LZTS1: variants seen among roughly 807,000 people sequenced by gnomAD.
The protein encoded by LZTS1 is leucine zipper tumor suppressor 1, also known as leucine zipper putative tumor suppressor 1.
Under a neutral mutation model 45.8 loss-of-function variants are expected in LZTS1, and 31 were observed. The observed-to-expected ratio is 0.68, with a 90% CI of 0.51 to 0.91. The LOEUF (loss-of-function observed/expected upper bound fraction) is 0.91. Ranked by LOEUF, LZTS1 falls within the 40% of genes least tolerant of loss-of-function variation. The probability of loss-of-function intolerance (pLI) is 0.00; values close to 1 mark genes in which losing one functional copy is unlikely to be tolerated. For synonymous variants in LZTS1, 359 were observed against 357.3 expected (o/e 1.00, Z -0.05); for missense variants, 821 against 788.9 (o/e 1.04, Z -0.49).
intron 1 of LZTS1, among the ~76,000 whole-genome samples, chr8:20,260,894 G>C (rs1231846565): frequency 1.3e-5 from 2 of 152,164 alleles, no homozygotes; most frequent in African/African-American, 4.8e-5. Context: ...AGTTTGAGGA[G>C]AGTTTGGGAT....
chr8:20,277,532 A>G (rs1162745037), intron 1 of LZTS1, among the ~76,000 whole-genome samples: 1 of 152,084 alleles, frequency 6.6e-6, no homozygotes, highest in Non-Finnish European at 1.5e-5. Context: ...TCTCTTGGGG[A>G]CTGGATTAGG....
intron 1 of LZTS1, among the ~76,000 whole-genome samples, chr8:20,269,925 G>A (rs1800438687): frequency 6.6e-6 from 1 of 152,174 alleles, no homozygotes; most frequent in Non-Finnish European, 1.5e-5. Flanking sequence ...GCCAGGAGAT[G>A]GGATGGGCAT....
At chr8:20,273,110 C>CA (rs1227486119) in intron 1 of LZTS1, among the ~76,000 whole-genome samples, 1 of 152,162 alleles carries the variant, frequency 6.6e-6, no homozygotes, top group Non-Finnish European at 1.5e-5. Context: ...TTGCTAAATC[C>CA]AATGGACCTT....
At chr8:20,277,940 AC>A (rs1800616664) in intron 1 of LZTS1, among the ~76,000 whole-genome samples, 1 of 152,194 alleles carries the variant, frequency 6.6e-6, no homozygotes, top group African/African-American at 2.4e-5. Flanking sequence ...TACTATGAGC[AC>A]CTTGGAACGT....
chr8:20,272,820 C>G (rs963973777), intron 1 of LZTS1, among the ~76,000 whole-genome samples: 1 of 152,218 alleles, frequency 6.6e-6, no homozygotes, highest in African/African-American at 2.4e-5. Context: ...GCGTGACTCT[C>G]GTCAACGCCA....
chr8:20,284,855 C>T (rs1800759072), intron 1 of LZTS1, among the ~76,000 whole-genome samples: 1 of 152,178 alleles, frequency 6.6e-6, no homozygotes, highest in Admixed American at 6.5e-5. Context: ...TTTCCCTGCT[C>T]CCATAGCCTA....
chr8:20,292,019 C>T (rs924381865), intron 1 of LZTS1, among the ~76,000 whole-genome samples: 2 of 152,216 alleles, frequency 1.3e-5, no homozygotes, highest in Non-Finnish European at 2.9e-5. Context: ...GGAGGTGTTT[C>T]CTGAGGAAGG....
At chr8:20,256,635 A>G (rs1408886364) in intron 1 of LZTS1, among the ~76,000 whole-genome samples, 3 of 152,164 alleles carry the variant, frequency 2.0e-5, no homozygotes, top group Admixed American at 2.0e-4. Context: ...ACAGTTTTCA[A>G]TGTAATTTTG....
intron 1 of LZTS1, chr8:20,290,516 C>T (rs1351155040): frequency 6.6e-6 from 1 of 152,208 alleles, no homozygotes; most frequent in African/African-American, 2.4e-5. Flanking sequence ...GAATGTGTGT[C>T]CAAAACACCA....
In LZTS1 at chr8:20,254,981, G is replaced by T; in HGVS notation, c.201C>A (p.Tyr67Ter). The T allele has an allele frequency of 6.2e-7, 1 of 1,614,220 alleles. No individual in the cohort carries two copies. Among genetic ancestry groups the T allele is most frequent in the Non-Finnish European group, 8.5e-7 (1 of 1,180,038 alleles). The stretch of plus-strand genomic sequence containing the variant: ...CCCGGGCTTTCTGGCTGACCTTGAT[G>T]TAGAAGAAGTCTTCGCTCTTGCCCA... ...SKMGKSEDFF[Y>*]IKVSQKARGS... Residue 67 changes from tyrosine (Y) to a stop codon, truncating the protein, a stop_gained, in exon 2 of 4, where the codon TAC becomes TAA. Coordinates refer to ENST00000381569, the MANE Select transcript of LZTS1 (RefSeq NM_021020.5). LOFTEE classifies it high-confidence loss of function.
intron 1 of LZTS1, among the ~76,000 whole-genome samples, chr8:20,291,297 C>T (rs1236053723): frequency 6.6e-6 from 1 of 152,154 alleles, no homozygotes; most frequent in African/African-American, 2.4e-5. Flanking sequence ...CACAACCTGA[C>T]CCTAAAGTTG....
At chr8:20,282,337 C>G (rs538747643) in intron 1 of LZTS1, among the ~76,000 whole-genome samples, 110 of 152,168 alleles carry the variant, frequency 7.2e-4, no homozygotes, top group Non-Finnish European at 1.2e-3. Flanking sequence ...CCTGCTGGGC[C>G]TCTGATCTGG....
At chr8:20,286,827 A>G (rs976635511) in intron 1 of LZTS1, among the ~76,000 whole-genome samples, 4 of 152,228 alleles carry the variant, frequency 2.6e-5, no homozygotes, top group African/African-American at 4.8e-5. Flanking sequence ...TGCTGCTACA[A>G]TCACAACATG....
chr8:20,283,757 G>A (rs1238703259), intron 1 of LZTS1, among the ~76,000 whole-genome samples: 1 of 152,156 alleles, frequency 6.6e-6, no homozygotes, highest in Non-Finnish European at 1.5e-5. Context: ...AGCTTGGCTG[G>A]AGTGCAGGAT....
chr8:20,270,796 C>CGT (rs1563878261), intron 1 of LZTS1, among the ~76,000 whole-genome samples: 5 of 114,174 alleles, frequency 4.4e-5, no homozygotes, highest in Admixed American at 2.7e-4. Flanking sequence ...CCGAGTGTGT[C>CGT]CTCTGTGTGT....
rs759721425 is a variant in LZTS1 at position 20,249,997 on chromosome 8, G to T, written c.1516C>A (p.Arg506=). 5 of 1,613,172 alleles carry T rather than the reference G, an allele frequency of 3.1e-6. No homozygotes were observed. The highest frequency in any genetic ancestry group is 4.2e-6 in the Non-Finnish European group (5 of 1,179,782). Residue 506 remains arginine (R), a synonymous_variant, in exon 4 of 4, where the codon CGG becomes AGG. Transcript: ENST00000381569. Reference sequence around the variant, plus strand: ...TCCTCCCGCAGCTCGGCCCGCAGCCGCTCCAGCTCCCGCTGCAGGGCAGGG... The same window carrying T: ...TCCTCCCGCAGCTCGGCCCGCAGCCTCTCCAGCTCCCGCTGCAGGGCAGGG... ...DVPALQRELE[R]LRAELREERQ...
At chr8:20,290,724 AT>A (rs1446786381) in intron 1 of LZTS1, among the ~76,000 whole-genome samples, 35 of 152,318 alleles carry the variant, frequency 2.3e-4, no homozygotes, top group African/African-American at 8.4e-4. Flanking sequence ...GAGAAGTTTC[AT>A]TTTATTTGTT....
chr8:20,269,537 G>T (rs1027752859), intron 1 of LZTS1, among the ~76,000 whole-genome samples: 3 of 152,180 alleles, frequency 2.0e-5, no homozygotes, highest in Admixed American at 2.0e-4. Context: ...GAACCAACAG[G>T]GCCTTGGACA....
At chr8:20,270,035 GA>G (rs1800440843) in intron 1 of LZTS1, among the ~76,000 whole-genome samples, 1 of 152,244 alleles carries the variant, frequency 6.6e-6, no homozygotes, top group South Asian at 2.1e-4. Flanking sequence ...ATCTATGCCT[GA>G]GGCCCTTCCT....
Sources: allele counts gnomAD v4.1 joint callset (sites outside exome capture counted in the v4.1 genomes callset), GRCh38; gene constraint gnomAD v4.1.1; transcripts MANE v1.5; gene names NCBI Gene and HGNC (gene_info 2026-07-23, HGNC 2026-07-21).